GPC6: variants seen among roughly 807,000 people sequenced by gnomAD.
The protein encoded by GPC6 is glypican 6.
GPC6 carries 14 observed loss-of-function variants against 55.2 expected under a neutral mutation model. The ratio of observed to expected loss-of-function variants is 0.25; its 90% confidence interval spans 0.17 to 0.40. The LOEUF (loss-of-function observed/expected upper bound fraction) is 0.40, where lower values mean the gene tolerates loss of function less well. Among genes scored for constraint, GPC6 ranks in the 10% least tolerant of loss-of-function variants. The pLI, the probability that GPC6 is intolerant of heterozygous loss-of-function variation, is 1.00. For missense variants in GPC6, 641 were observed against 708.5 expected, an observed-to-expected ratio of 0.90 and a Z score of 1.08; for synonymous variants, 278 against 259.6, an observed-to-expected ratio of 1.07 and a Z score of -0.68.
intron 1 of GPC6, among the ~76,000 whole-genome samples, chr13:93,269,653 C>T (rs920951777): frequency 5.9e-5 from 9 of 151,484 alleles, no homozygotes; most frequent in African/African-American, 1.5e-4. Context: ...AGGCCGGACA[C>T]GGTGGCTCAC....
chr13:93,755,817 C>T (rs1884747589), intron 2 of GPC6, among the ~76,000 whole-genome samples: 1 of 152,124 alleles, frequency 6.6e-6, no homozygotes, highest in African/African-American at 2.4e-5. Context: ...CTATGACAGA[C>T]ATACAGTGTT....
intron 3 of GPC6, among the ~76,000 whole-genome samples, chr13:93,965,632 GAACTA>G (rs1281524869): frequency 6.6e-6 from 1 of 152,066 alleles, no homozygotes; most frequent in Non-Finnish European, 1.5e-5. Context: ...GAGGTAAACT[GAACTA>G]GCCTGCTGGA....
At chr13:94,074,863 G>A (rs1041445232) in intron 4 of GPC6, among the ~76,000 whole-genome samples, 1 of 152,080 alleles carries the variant, frequency 6.6e-6, no homozygotes, top group African/African-American at 2.4e-5. Flanking sequence ...AGTGAGTCTG[G>A]TGTAACATAT....
chr13:93,326,181 T>A (rs139474879), intron 1 of GPC6, among the ~76,000 whole-genome samples: 9 of 152,240 alleles, frequency 5.9e-5, no homozygotes, highest in Non-Finnish European at 1.2e-4. Context: ...CATTGGGTTT[T>A]GGATAAACTG....
chr13:93,952,277 G>T (rs923540759), intron 3 of GPC6, among the ~76,000 whole-genome samples: 2 of 152,046 alleles, frequency 1.3e-5, no homozygotes, highest in African/African-American at 4.8e-5. Flanking sequence ...CCATTTTCAA[G>T]ATGATAATCA....
chr13:93,285,466 A>G (rs955163489), intron 1 of GPC6, among the ~76,000 whole-genome samples: 2 of 152,178 alleles, frequency 1.3e-5, no homozygotes, highest in African/African-American at 4.8e-5. Context: ...CTGTAGTCCT[A>G]GTTTGTCAAT....
chr13:93,626,065 T>G (rs1300560933), intron 2 of GPC6, among the ~76,000 whole-genome samples: 1 of 152,210 alleles, frequency 6.6e-6, no homozygotes, highest in Non-Finnish European at 1.5e-5. Flanking sequence ...ATAAGAAGTT[T>G]GAGTTTGCTT....
At chr13:93,756,586 G>C (rs1445107659) in intron 2 of GPC6, among the ~76,000 whole-genome samples, 1 of 152,114 alleles carries the variant, frequency 6.6e-6, no homozygotes, top group African/African-American at 2.4e-5. Flanking sequence ...TCTGTGATGA[G>C]AATTCACCAA....
chr13:94,087,409 C>G (rs1245183716), intron 4 of GPC6, among the ~76,000 whole-genome samples: 1 of 152,162 alleles, frequency 6.6e-6, no homozygotes, highest in African/African-American at 2.4e-5. Context: ...AACCAAGAAT[C>G]TAGTTCTTAG....
intron 2 of GPC6, among the ~76,000 whole-genome samples, chr13:93,722,031 G>C (rs887302030): frequency 6.6e-6 from 1 of 151,658 alleles, no homozygotes; most frequent in Non-Finnish European, 1.5e-5. Context: ...TGGAATTTTT[G>C]ACAATATACA....
chr13:93,962,363 ATGT>A (rs1221693661), intron 3 of GPC6, among the ~76,000 whole-genome samples: 4 of 152,256 alleles, frequency 2.6e-5, no homozygotes, highest in African/African-American at 7.2e-5. Context: ...AGAAAGAGAG[ATGT>A]TGTGAAAGTT....
chr13:94,215,777 A>G (rs1378766561), intron 4 of GPC6, among the ~76,000 whole-genome samples: 1 of 152,118 alleles, frequency 6.6e-6, no homozygotes, highest in Non-Finnish European at 1.5e-5. Flanking sequence ...ACAAATAGAC[A>G]CTTATTTTTA....
intron 4 of GPC6, among the ~76,000 whole-genome samples, chr13:94,209,951 T>C (rs530618029): frequency 6.6e-6 from 1 of 152,158 alleles, no homozygotes; most frequent in East Asian, 1.9e-4. Flanking sequence ...GGGCCCAAGC[T>C]ATCTTCCCAC....
At chr13:93,337,699 G>A (rs2139145406) in intron 1 of GPC6, among the ~76,000 whole-genome samples, 1 of 152,232 alleles carries the variant, frequency 6.6e-6, no homozygotes, top group Non-Finnish European at 1.5e-5. Context: ...GCACACAAAC[G>A]GAATGCCTGC....
intron 7 of GPC6, among the ~76,000 whole-genome samples, 200 bp from the exon 8 acceptor site, chr13:94,398,266 T>A (rs1880980467): frequency 6.6e-6 from 1 of 151,796 alleles, no homozygotes. Context: ...AGTCTGAGGC[T>A]ATTTTAGCCA....
intron 3 of GPC6, among the ~76,000 whole-genome samples, chr13:93,928,303 A>C (rs1429479837): frequency 6.6e-6 from 1 of 152,176 alleles, no homozygotes; most frequent in East Asian, 1.9e-4. Flanking sequence ...GAAATTATTT[A>C]TGTATTTTTC....
chr13:93,895,641 A>T (rs528268040), intron 3 of GPC6, among the ~76,000 whole-genome samples: 1 of 151,994 alleles, frequency 6.6e-6, no homozygotes, highest in East Asian at 1.9e-4. Context: ...ATCAGACAAT[A>T]TCTTGTTTTT....
intron 2 of GPC6, among the ~76,000 whole-genome samples, chr13:93,686,788 TTAAAAA>T (rs1296849400): frequency 2.0e-5 from 3 of 152,168 alleles, no homozygotes; most frequent in Admixed American, 6.6e-5. Context: ...GTTTGAATAC[TTAAAAA>T]TAAACAGTTT....
chr13:94,213,201 C>G (rs572690287), intron 4 of GPC6, among the ~76,000 whole-genome samples: 5 of 152,088 alleles, frequency 3.3e-5, no homozygotes, highest in Non-Finnish European at 7.4e-5. Context: ...GTCCTGGAGT[C>G]AGGATTGGAG....
Sources: gnomAD v4.1 joint callset for allele counts (sites outside exome capture counted in the v4.1 genomes callset) on GRCh38, gnomAD v4.1.1 for gene constraint, MANE v1.5 for transcripts, NCBI Gene and HGNC (gene_info 2026-07-23, HGNC 2026-07-21) for gene names.